The following SLC4A5 variants were observed in gnomAD, a reference collection of about 807,000 sequenced individuals.
The protein encoded by SLC4A5 is solute carrier family 4 member 5, also known as electrogenic sodium bicarbonate cotransporter 4.
In SLC4A5, 96 loss-of-function variants were observed where a neutral mutation model predicts 120.4. The ratio of observed to expected loss-of-function variants is 0.80; its 90% CI spans 0.68 to 0.94. The LOEUF (loss-of-function observed/expected upper bound fraction) is 0.94, where lower values mean the gene tolerates loss of function less well. Among genes scored for constraint, SLC4A5 ranks in the 40% least tolerant of loss-of-function variants. The probability of loss-of-function intolerance (pLI) is 0.00; values close to 1 mark genes in which losing one functional copy is unlikely to be tolerated. For synonymous variants in SLC4A5, 550 were observed against 571.1 expected (o/e 0.96, Z 0.53); for missense variants, 1,259 against 1,459.5 (o/e 0.86, Z 2.24).
Position 74,252,960 on chromosome 2 carries a change from A to G in SLC4A5, c.1268+14T>C, listed in dbSNP as rs1399400106. On this transcript the variant is annotated intron_variant, in intron 15 of 30. Coordinates refer to ENST00000394019, the Ensembl canonical transcript of SLC4A5. ...CCTCCTTTTTCTCTCCCTACTGCCC[A>G]TTCTCATACACACCTCTTGTCAGCA... The G allele has an allele frequency of 6.2e-7, 1 of 1,613,934 alleles. No homozygotes were observed. The highest frequency in any genetic ancestry group is 8.5e-7 in the Non-Finnish European group (1 of 1,179,990).
At chr2:74,277,684 G>C (rs1481706496) in intron 8 of SLC4A5, among the ~76,000 whole-genome samples, 1 of 152,142 alleles carries the variant, frequency 6.6e-6, no homozygotes, top group Non-Finnish European at 1.5e-5. Flanking sequence ...AAATCAATGT[G>C]TAGATCTTGT....
intron 7 of SLC4A5, among the ~76,000 whole-genome samples, chr2:74,291,533 G>A (rs1453847723): frequency 6.6e-6 from 1 of 152,214 alleles, no homozygotes; most frequent in Non-Finnish European, 1.5e-5. Flanking sequence ...CAGAGCCTGG[G>A]GGAGAACAGA....
chr2:74,340,378 C>T (rs1442470803), intron 2 of SLC4A5, among the ~76,000 whole-genome samples: 1 of 152,196 alleles, frequency 6.6e-6, no homozygotes, highest in African/African-American at 2.4e-5. Flanking sequence ...CTATGCTAGG[C>T]AGGCCTGCTC....
intron 8 of SLC4A5, 71 bp from the exon 9 acceptor site, chr2:74,265,335 A>C: frequency 1.9e-6 from 3 of 1,550,782 alleles, no homozygotes; most frequent in Admixed American, 1.8e-5. Flanking sequence ...GTCTCCCCAA[A>C]AGAGGGGTGT....
intron 2 of SLC4A5, among the ~76,000 whole-genome samples, chr2:74,341,614 C>G (rs1455862319): frequency 6.6e-6 from 1 of 152,210 alleles, no homozygotes; most frequent in Non-Finnish European, 1.5e-5. Flanking sequence ...TGCCCCACAT[C>G]AGGCAGCCCA....
intron 22 of SLC4A5, among the ~76,000 whole-genome samples, chr2:74,234,019 T>C (rs1245228750): frequency 2.0e-5 from 3 of 152,058 alleles, no homozygotes; most frequent in Admixed American, 2.0e-4. Flanking sequence ...CAGTCCTGCA[T>C]GTTCAGAATG....
chr2:74,241,249 A>ATAT (rs145522219), intron 20 of SLC4A5, among the ~76,000 whole-genome samples: 52,102 of 140,542 alleles, frequency 0.37, 10,334 homozygotes, highest in Non-Finnish European at 0.42. Flanking sequence ...TGTGCGTGTC[A>ATAT]TATTATTATT....
Position 74,232,567 on chromosome 2 carries a change from G to GTA in SLC4A5, c.2674_2675dup (p.Val893ThrfsTer38). ...CGATGGAGATGACCGTGGCAGCCAC[G>GTA]TACCAGGGGAGCCCCATAAAGGAGC... is the stretch of plus-strand genomic sequence containing the variant. On this transcript the variant is annotated frameshift_variant, in exon 24 of 31. Transcript: ENST00000394019. LOFTEE classifies it high-confidence loss of function. 1.9e-6 allele frequency: 3 copies of GTA among 1,613,984 alleles called. No individual in the cohort carries two copies. The highest frequency in any genetic ancestry group is 2.5e-6 in the Non-Finnish European group (3 of 1,179,922).
At position 74,293,192 on chromosome 2, in the gene SLC4A5, C is replaced by T. The variant is rs552818220; in HGVS notation, c.272-7290G>A. Among the ~76,000 whole-genome samples, 5 of 152,222 alleles carry T rather than the reference C, an allele frequency of 3.3e-5. No individual in the cohort carries two copies. The South Asian group carries it at 1.0e-3, about 32-fold the overall frequency. The stretch of plus-strand genomic sequence containing the variant: ...CTGTGTGAAGTAGGTCTTGGAGGCC[C>T]TGAGTCCTAGTTTCATGGGCAATAA... On this transcript the variant is annotated intron_variant, in intron 7 of 30. Coordinates refer to ENST00000394019, the Ensembl canonical transcript of SLC4A5.
At chr2:74,250,600 C>A in intron 16 of SLC4A5, 83 bp from the exon 17 acceptor site, 1 of 1,535,330 alleles carries the variant, frequency 6.5e-7, no homozygotes, top group Admixed American at 1.9e-5. Context: ...CTTGCAGAGT[C>A]TGGGGCGAGG....
chr2:74,271,693 C>T (rs1030602679), intron 8 of SLC4A5, among the ~76,000 whole-genome samples: 3 of 151,590 alleles, frequency 2.0e-5, no homozygotes, highest in African/African-American at 7.3e-5. Flanking sequence ...AATGCTTGCT[C>T]CCTTCTGCTT....
rs763114313 is a variant in SLC4A5 at position 74,304,488 on chromosome 2, C to G, written c.271+1G>C. Reference sequence around the variant, plus strand: ...CAGAATGTACCCCTCAAGGAACTCACGAGTCCTGCTGATAAGATCCATGCT... The same window carrying G: ...CAGAATGTACCCCTCAAGGAACTCAGGAGTCCTGCTGATAAGATCCATGCT... On this transcript the variant is annotated splice_donor_variant, in intron 7 of 30. Coordinates refer to ENST00000394019, the Ensembl canonical transcript of SLC4A5. LOFTEE classifies it high-confidence loss of function. The G allele has an allele frequency of 2.5e-6, 4 of 1,607,466 alleles. No individual in the cohort carries two copies. The Admixed American group carries it at 5.1e-5, about 20-fold the overall frequency.
exon 17 of SLC4A5, chr2:74,250,391 G>A (rs201653707): frequency 2.8e-5 from 45 of 1,614,184 alleles, no homozygotes; most frequent in South Asian, 1.5e-4. Flanking sequence ...AGGTGATCGC[G>A]TTGGTGATAC....
chr2:74,221,658 A>T (rs1056715219), intron 29 of SLC4A5, among the ~76,000 whole-genome samples, 157 bp from the exon 30 acceptor site: 2 of 152,156 alleles, frequency 1.3e-5, no homozygotes, highest in African/African-American at 4.8e-5. Flanking sequence ...CTTCGGGCTT[A>T]GTTACTCCTT....
chr2:74,225,782 C>G (rs984019805), intron 27 of SLC4A5, among the ~76,000 whole-genome samples: 2 of 152,140 alleles, frequency 1.3e-5, no homozygotes, highest in Admixed American at 6.5e-5. Flanking sequence ...TAGACCCACA[C>G]ATTGAATTTT....
At chr2:74,256,882 G>A (rs1266214083) in intron 12 of SLC4A5, among the ~76,000 whole-genome samples, 1 of 152,198 alleles carries the variant, frequency 6.6e-6, no homozygotes. Flanking sequence ...AGGACTGGGT[G>A]CAGTCCACAG....
At chr2:74,275,218 T>A (rs915998944) in intron 8 of SLC4A5, among the ~76,000 whole-genome samples, 3 of 152,126 alleles carry the variant, frequency 2.0e-5, no homozygotes, top group Non-Finnish European at 4.4e-5. Flanking sequence ...CTGTGGTGAA[T>A]GGAATGGGGG....
rs756865622 is a variant in SLC4A5 at position 74,304,651 on chromosome 2, C to G, written c.109G>C (p.Val37Leu). Residue 37 changes from valine (V) to leucine (L), a missense_variant, in exon 7 of 31, where the codon GTA (valine) becomes CTA (leucine). Transcript: ENST00000394019. ...GTTTTTCTTTGAGGGTAAGTGGGTA[C>G]TGGAAGCCCAATGTGGATAGGAGGG... The G allele has an allele frequency of 1.3e-5, 21 of 1,613,856 alleles. No individual in the cohort carries two copies. In the Admixed American group the frequency reaches 3.3e-4, roughly 26 times the overall value.
intron 28 of SLC4A5, among the ~76,000 whole-genome samples, chr2:74,224,115 T>C (rs1368725917): frequency 1.3e-5 from 2 of 152,232 alleles, no homozygotes; most frequent in Non-Finnish European, 2.9e-5. Context: ...CACTTCCTTT[T>C]GTGGGGACAG....
Sources: gnomAD v4.1 joint callset for allele counts (sites outside exome capture counted in the v4.1 genomes callset) on GRCh38, gnomAD v4.1.1 for gene constraint, MANE v1.5 for transcripts, NCBI Gene and HGNC (gene_info 2026-07-23, HGNC 2026-07-21) for gene names.